Variants in ZNF609 observed in about 807,000 individuals in gnomAD.
ZNF609 encodes zinc finger protein 609.
A neutral mutation model predicts 109.5 loss-of-function variants in ZNF609; 11 were observed. That is an observed-to-expected ratio of 0.10 (90% CI 0.06 to 0.17). The LOEUF (loss-of-function observed/expected upper bound fraction) is 0.17. Among genes scored for constraint, ZNF609 ranks in the 10% least tolerant of loss-of-function variants. The probability of loss-of-function intolerance (pLI) is 1.00; values close to 1 mark genes in which losing one functional copy is unlikely to be tolerated. For missense variants in ZNF609, 1,559 were observed against 1,772.4 expected (o/e 0.88, Z 2.16); for synonymous variants, 646 against 662.0 (o/e 0.98, Z 0.37).
chr15:64,678,279 G>A lies in ZNF609; in HGVS notation c.3566G>A (p.Ser1189Asn), dbSNP rs1477157404. Residue 1189 changes from serine to asparagine, a missense_variant, in exon 6 of 10, where the codon AGT becomes AAT. Coordinates refer to ENST00000326648, the MANE Select transcript of ZNF609 (RefSeq NM_015042.2). ...GAAGATGGGAAGGAAAGCACAAGTA[G>A]TGACTGCAAGCTGCCCACGTCAGAG... ...PKEDGKESTS[S>N]DCKLPTSEES... The A allele has an allele frequency of 6.2e-7, 1 of 1,614,064 alleles. No individual in the cohort carries two copies. Among genetic ancestry groups the A allele is most frequent in the African/African-American group, 1.3e-5 (1 of 74,920 alleles).
In ZNF609 at chr15:64,676,815, G is replaced by A. The variant is rs151057808; in HGVS notation, c.3402+559G>A. Among the ~76,000 whole-genome samples the A allele has an allele frequency of 7.1e-3, 1,069 of 151,338 alleles. 14 individuals carry two copies. Among genetic ancestry groups the A allele is most frequent in the African/African-American group, 0.025 (1,023 of 41,172 alleles). On this transcript the variant is annotated intron_variant, in intron 5 of 9. Transcript: ENST00000326648. ...GTCACCCAGGCTGGAATGCACTGGC[G>A]CAATCTCAGCTCACTGCAACCTCTG...
chr15:64,588,495 ATCTTGTTT>A (rs966339965), intron 2 of ZNF609, among the ~76,000 whole-genome samples: 2 of 145,262 alleles, frequency 1.4e-5, no homozygotes, highest in Non-Finnish European at 3.0e-5. Flanking sequence ...CTCTTTCTCA[ATCTTGTTT>A]TCTTGTTTTT....
At chr15:64,540,732 A>G (rs1894238329) in intron 2 of ZNF609, among the ~76,000 whole-genome samples, 1 of 151,762 alleles carries the variant, frequency 6.6e-6, no homozygotes, top group Admixed American at 6.6e-5. Context: ...TGTAGATTAA[A>G]AAAACCTTTG....
chr15:64,508,255 C>T (rs1893664853), intron 2 of ZNF609, among the ~76,000 whole-genome samples: 1 of 152,198 alleles, frequency 6.6e-6, no homozygotes, highest in African/African-American at 2.4e-5. Flanking sequence ...ATCTACTTTT[C>T]TTTTGGCATC....
chr15:64,524,585 G>GA (rs1567004999), intron 2 of ZNF609, among the ~76,000 whole-genome samples: 1 of 151,124 alleles, frequency 6.6e-6, no homozygotes, highest in Non-Finnish European at 1.5e-5. Flanking sequence ...AAAAGGGGGG[G>GA]GCCTTTTGTG....
chr15:64,519,115 AGGGCGGG>A (rs953607787), intron 2 of ZNF609, among the ~76,000 whole-genome samples: 3 of 10,166 alleles, frequency 3.0e-4, no homozygotes, highest in Admixed American at 1.3e-3. Context: ...TGGCGGGTGC[AGGGCGGG>A]GGGCGGGGGG....
intron 1 of ZNF609, among the ~76,000 whole-genome samples, chr15:64,498,684 AT>A (rs1015264096): frequency 6.6e-6 from 1 of 151,988 alleles, no homozygotes; most frequent in African/African-American, 2.4e-5. Context: ...CCCCTCTGAG[AT>A]TGTCTCCTCT....
At chr15:64,612,857 A>G (rs1895739514) in intron 2 of ZNF609, among the ~76,000 whole-genome samples, 1 of 151,954 alleles carries the variant, frequency 6.6e-6, no homozygotes, top group South Asian at 2.1e-4. Flanking sequence ...TCTACTAAAA[A>G]TACAAAAATT....
intron 2 of ZNF609, among the ~76,000 whole-genome samples, chr15:64,528,129 G>A (rs1249965447): frequency 2.7e-5 from 4 of 150,506 alleles, no homozygotes; most frequent in South Asian, 2.1e-4. Flanking sequence ...TTGGAGTCTC[G>A]CTCTGTTGCC....
Position 64,670,459 on chromosome 15 carries a change from ATAT to A in ZNF609, c.1061+31_1061+33del, listed in dbSNP as rs748028882. On this transcript the variant is annotated intron_variant, in intron 4 of 9. Transcript: ENST00000326648. ...GTAAGCACTTACAGCTATTTAGTTTATATTATTCTGAACCACACTAATTGGTGA... is the reference window on the plus strand; with the variant it reads ...GTAAGCACTTACAGCTATTTAGTTTATATTCTGAACCACACTAATTGGTGA... The A allele has an allele frequency of 8.2e-6, 13 of 1,591,998 alleles. No homozygotes were observed. In the African/African-American group the frequency reaches 1.6e-4, roughly 20 times the overall value.
intron 1 of ZNF609, among the ~76,000 whole-genome samples, chr15:64,466,865 A>G (rs1436031120): frequency 6.6e-6 from 1 of 151,220 alleles, no homozygotes; most frequent in Non-Finnish European, 1.5e-5. Flanking sequence ...GCTTGGAAAC[A>G]CTCTAATTAC....
chr15:64,461,137 G>A (rs1297429291), intron 1 of ZNF609, among the ~76,000 whole-genome samples: 1 of 148,444 alleles, frequency 6.7e-6, no homozygotes, highest in African/African-American at 2.5e-5. Flanking sequence ...GGTTATGGGA[G>A]CAGGCCAGAG....
chr15:64,665,396 T>C (rs1860818261), intron 3 of ZNF609, among the ~76,000 whole-genome samples: 1 of 152,172 alleles, frequency 6.6e-6, no homozygotes, highest in African/African-American at 2.4e-5. Context: ...CTTTGCAAAG[T>C]AGCCTTAACA....
intron 3 of ZNF609, among the ~76,000 whole-genome samples, chr15:64,623,758 T>C (rs1391598349): frequency 6.6e-6 from 1 of 152,192 alleles, no homozygotes; most frequent in Non-Finnish European, 1.5e-5. Context: ...TGGAAGGAAG[T>C]GTAAAGAGAC....
At chr15:64,600,449 CAAAA>C (rs60948226) in intron 2 of ZNF609, among the ~76,000 whole-genome samples, 1 of 53,812 alleles carries the variant, frequency 1.9e-5, no homozygotes. Flanking sequence ...GGCTGTGTCT[CAAAA>C]AAAAAAAAAA....
intron 2 of ZNF609, among the ~76,000 whole-genome samples, chr15:64,567,431 C>T (rs1040079356): frequency 1.3e-5 from 2 of 150,366 alleles, no homozygotes; most frequent in Non-Finnish European, 3.0e-5. Context: ...ACAGTTGAGC[C>T]GAGATCACAC....
intron 1 of ZNF609, among the ~76,000 whole-genome samples, chr15:64,470,811 C>T (rs1893081417): frequency 6.6e-6 from 1 of 152,172 alleles, no homozygotes; most frequent in African/African-American, 2.4e-5. Context: ...TGAGCCACTG[C>T]ACCCGGCCTC....
chr15:64,671,407 A>G (rs1055262661), intron 4 of ZNF609: 1 of 152,144 alleles, frequency 6.6e-6, no homozygotes, highest in Admixed American at 6.6e-5. Context: ...GAGGGGATGC[A>G]CTTTGACTGG....
chr15:64,577,131 TAC>T (rs1232648963), intron 2 of ZNF609, among the ~76,000 whole-genome samples: 4 of 75,172 alleles, frequency 5.3e-5, no homozygotes, highest in African/African-American at 1.6e-4. Context: ...TGTGTATATA[TAC>T]ACACAAATAT....
Sources: allele counts gnomAD v4.1 joint callset (sites outside exome capture counted in the v4.1 genomes callset), GRCh38; gene constraint gnomAD v4.1.1; transcripts MANE v1.5; gene names NCBI Gene and HGNC (gene_info 2026-07-23, HGNC 2026-07-21).